ZNF385D: variants seen among roughly 807,000 people sequenced by gnomAD.
ZNF385D encodes the protein zinc finger protein 385D.
ZNF385D carries 15 observed loss-of-function variants against 35.8 expected under a neutral mutation model. That is an observed-to-expected ratio of 0.42 (90% CI 0.28 to 0.64). ZNF385D has a LOEUF of 0.64. Ranked by LOEUF, ZNF385D falls within the 30% of genes least tolerant of loss-of-function variation. The pLI, the probability that ZNF385D is intolerant of heterozygous loss-of-function variation, is 0.23. For missense variants in ZNF385D, 474 were observed against 494.6 expected, an observed-to-expected ratio of 0.96 and a Z score of 0.39; for synonymous variants, 212 against 186.8, an observed-to-expected ratio of 1.13 and a Z score of -1.10.
rs137895951 is a variant in ZNF385D, at chr3:22,288,574, A to T, written c.106+83876T>A. Among the ~76,000 whole-genome samples the T allele has an allele frequency of 5.5e-3, 835 of 151,674 alleles. 6 individuals are homozygous for T. Among genetic ancestry groups the T allele is most frequent in the African/African-American group, 0.018 (738 of 41,370 alleles). ...AGTTATTATATTCTTCAGTACTATG[A>T]TTTCTGTTTGGTACTTTTTATAGTT... On this transcript the variant is annotated intron_variant, in intron 2 of 5. Transcript: ENST00000494108.
At chr3:21,729,357 C>T (rs920363209) in intron 1 of ZNF385D, among the ~76,000 whole-genome samples, 1 of 152,124 alleles carries the variant, frequency 6.6e-6, no homozygotes, top group Non-Finnish European at 1.5e-5. Flanking sequence ...CTCATTCAAG[C>T]TATTTTAAGA....
At chr3:21,704,974 T>C (rs1038251215) in intron 1 of ZNF385D, among the ~76,000 whole-genome samples, 3 of 152,142 alleles carry the variant, frequency 2.0e-5, no homozygotes, top group Non-Finnish European at 4.4e-5. Flanking sequence ...GTGGTAACCA[T>C]GGTAAACTGC....
intron 2 of ZNF385D, among the ~76,000 whole-genome samples, chr3:22,236,999 A>G (rs1277199218): frequency 2.0e-5 from 3 of 152,166 alleles, no homozygotes; most frequent in Non-Finnish European, 4.4e-5. Context: ...ATATTTATGT[A>G]TAAGAATTTA....
intron 2 of ZNF385D, among the ~76,000 whole-genome samples, chr3:21,643,723 T>C (rs115151472): frequency 0.018 from 2,799 of 152,160 alleles, 59 homozygotes; most frequent in Non-Finnish European, 0.021. Context: ...AAACACTTAA[T>C]GATGTGTAGA....
At position 22,158,060 on chromosome 3, in the gene ZNF385D, A is replaced by T. The variant is rs368587609; in HGVS notation, c.325+10757T>A. 5.9e-5 allele frequency among the ~76,000 whole-genome samples: 9 copies of T among 152,242 alleles called. 1 individual carries two copies. Among genetic ancestry groups the T allele is most frequent in the African/African-American group, 2.2e-4 (9 of 41,564 alleles). Reference sequence around the variant, plus strand: ...GAAAGAGGGAATTACAGCGCACATTACAAAGCCAACAAATTCATAGCAGAT... The same window carrying T: ...GAAAGAGGGAATTACAGCGCACATTTCAAAGCCAACAAATTCATAGCAGAT... On this transcript the variant is annotated intron_variant, in intron 3 of 5. Transcript: ENST00000494108.
At chr3:21,945,277 A>G (rs1701726737) in intron 3 of ZNF385D, among the ~76,000 whole-genome samples, 1 of 152,152 alleles carries the variant, frequency 6.6e-6, no homozygotes, top group East Asian at 1.9e-4. Flanking sequence ...CTGGGATAGA[A>G]AAATGATAAC....
intron 3 of ZNF385D, among the ~76,000 whole-genome samples, chr3:22,129,872 C>G (rs542719083): frequency 1.3e-5 from 2 of 152,196 alleles, no homozygotes; most frequent in African/African-American, 4.8e-5. Context: ...CTCTTTTCCT[C>G]AAACAGAAGG....
chr3:21,797,741 C>A (rs957943959), intron 3 of ZNF385D, among the ~76,000 whole-genome samples: 3 of 151,948 alleles, frequency 2.0e-5, no homozygotes, highest in Non-Finnish European at 4.4e-5. Context: ...GTGAAACGAG[C>A]AAATTTGAAG....
intron 3 of ZNF385D, among the ~76,000 whole-genome samples, chr3:22,034,118 T>C (rs530833728): frequency 3.9e-5 from 6 of 152,288 alleles, no homozygotes; most frequent in Middle Eastern, 6.8e-3. Context: ...AATGTTTGTG[T>C]TCCCCCCAAA....
chr3:21,860,732 C>T (rs1452614111), intron 3 of ZNF385D, among the ~76,000 whole-genome samples: 1 of 152,126 alleles, frequency 6.6e-6, no homozygotes, highest in East Asian at 1.9e-4. Context: ...ATATTAATTT[C>T]AGCCACTGAT....
At chr3:22,226,526 T>TA (rs1698567025) in intron 2 of ZNF385D, among the ~76,000 whole-genome samples, 1 of 152,230 alleles carries the variant, frequency 6.6e-6, no homozygotes, top group South Asian at 2.1e-4. Flanking sequence ...TTTTAAATTG[T>TA]GAAAACAGTA....
Position 22,099,898 on chromosome 3 carries a change from C to G in ZNF385D, c.325+68919G>C, listed in dbSNP as rs578145764. Among the ~76,000 whole-genome samples the G allele has an allele frequency of 4.8e-5, 5 of 103,694 alleles. No homozygotes were observed. The South Asian group carries it at 1.3e-3, about 26-fold the overall frequency. The allele number at this position is 103,694 out of a possible 152,430, so 68.0% of individuals were successfully genotyped here. A position where few individuals can be genotyped will look rare whatever the true frequency, so the allele number is the denominator to read the frequency against. On this transcript the variant is annotated intron_variant, in intron 3 of 5. Coordinates refer to the ZNF385D transcript ENST00000494108. The stretch of plus-strand genomic sequence containing the variant: ...AATATTAGGCCAAAGAACTGAGATC[C>G]TGGTAAAACCTTTATCAAAAATGTC...
chr3:21,720,995 T>C (rs999339954), intron 1 of ZNF385D, among the ~76,000 whole-genome samples: 9 of 152,220 alleles, frequency 5.9e-5, no homozygotes, highest in Non-Finnish European at 1.2e-4. Flanking sequence ...ATGACACGCT[T>C]TGCTTAGAAT....
intron 2 of ZNF385D, among the ~76,000 whole-genome samples, chr3:22,361,339 A>G (rs1274585381): frequency 1.3e-5 from 2 of 152,084 alleles, no homozygotes; most frequent in Non-Finnish European, 2.9e-5. Flanking sequence ...AGTAGCATTA[A>G]TTTATAGGAA....
At chr3:21,579,123 GTCAGGTT>G (rs2063578633) in intron 2 of ZNF385D, 1 of 152,098 alleles carries the variant, frequency 6.6e-6, no homozygotes, top group African/African-American at 2.4e-5. Flanking sequence ...ACAAAGAGAA[GTCAGGTT>G]TCTCGATGTT....
In ZNF385D at chr3:22,100,844, T is replaced by A. The variant is rs78883529; in HGVS notation, c.325+67973A>T. Among the ~76,000 whole-genome samples the A allele has an allele frequency of 7.1e-4, 107 of 150,446 alleles. No homozygotes were observed. The Middle Eastern group carries it at 0.024, about 33-fold the overall frequency. On this transcript the variant is annotated intron_variant, in intron 3 of 5. Transcript: ENST00000494108. ...AACTTAAAGTATAATAATATTAAAA[T>A]AAAAAAAAGAAAATCACATAAAAAA...
At chr3:21,576,316 C>T (rs907293719) in intron 2 of ZNF385D, among the ~76,000 whole-genome samples, 3 of 152,136 alleles carry the variant, frequency 2.0e-5, no homozygotes, top group African/African-American at 4.8e-5. Context: ...CTTCCAAGTA[C>T]TCAGGACATG....
chr3:22,246,260 A>G (rs1699777134), intron 2 of ZNF385D, among the ~76,000 whole-genome samples: 2 of 152,136 alleles, frequency 1.3e-5, no homozygotes, highest in African/African-American at 4.8e-5. Context: ...ACTAATAGCA[A>G]AATTATTTTT....
chr3:21,765,648 A>AG (rs1295928475), intron 3 of ZNF385D, among the ~76,000 whole-genome samples: 1 of 151,398 alleles, frequency 6.6e-6, no homozygotes, highest in Admixed American at 6.6e-5. Context: ...AACAACAAAA[A>AG]AAAAATAGAA....
Sources: gnomAD v4.1 joint callset for allele counts (sites outside exome capture counted in the v4.1 genomes callset) on GRCh38, gnomAD v4.1.1 for gene constraint, MANE v1.5 for transcripts, NCBI Gene and HGNC (gene_info 2026-07-23, HGNC 2026-07-21) for gene names.